The following FHIT variants were observed in gnomAD, a reference collection of about 807,000 sequenced individuals.
The protein encoded by FHIT is bis(5'-adenosyl)-triphosphatase.
A neutral mutation model predicts 17.9 loss-of-function variants in FHIT; 19 were observed. The observed-to-expected ratio is 1.06, with a 90% confidence interval of 0.74 to 1.56. FHIT has a LOEUF of 1.56. Ranked by LOEUF, FHIT falls within the 40% of genes most tolerant of loss-of-function variation. FHIT has a pLI of 0.00. For synonymous variants in FHIT, 81 were observed against 69.7 expected (o/e 1.16, Z -0.81); for missense variants, 248 against 189.2 (o/e 1.31, Z -1.82).
intron 4 of FHIT, among the ~76,000 whole-genome samples, chr3:60,802,651 AT>A (rs548637921): frequency 8.5e-4 from 129 of 152,258 alleles, no homozygotes; most frequent in African/African-American, 2.9e-3. Flanking sequence ...AAAGAAACAA[AT>A]TCCTGCCCTG....
intron 4 of FHIT, among the ~76,000 whole-genome samples, chr3:60,569,834 C>A (rs1381904158): frequency 2.0e-5 from 3 of 146,368 alleles, no homozygotes; most frequent in African/African-American, 7.6e-5. Context: ...TCACTGCAAC[C>A]TTCGCCTCAC....
At chr3:60,810,407 G>A (rs554749161) in intron 4 of FHIT, among the ~76,000 whole-genome samples, 19 of 152,182 alleles carry the variant, frequency 1.2e-4, no homozygotes, top group East Asian at 3.9e-4. Context: ...CCATAGGAGC[G>A]ACACTACACA....
chr3:60,039,778 T>C (rs1206574063), intron 5 of FHIT, among the ~76,000 whole-genome samples: 1 of 152,204 alleles, frequency 6.6e-6, no homozygotes, highest in Non-Finnish European at 1.5e-5. Context: ...ATGGAAGATC[T>C]TAGAACCAAA....
chr3:60,219,333 C>T (rs1260818243), intron 5 of FHIT, among the ~76,000 whole-genome samples: 1 of 152,060 alleles, frequency 6.6e-6, no homozygotes, highest in African/African-American at 2.4e-5. Flanking sequence ...TAGCCCTATA[C>T]TTTGTTCAAT....
At chr3:60,423,673 A>G (rs1702558207) in intron 5 of FHIT, among the ~76,000 whole-genome samples, 1 of 152,104 alleles carries the variant, frequency 6.6e-6, no homozygotes, top group Non-Finnish European at 1.5e-5. Context: ...ATGGCGCAAT[A>G]ATATTCAAAA....
chr3:61,202,550 T>C (rs2039060009), intron 1 of FHIT, among the ~76,000 whole-genome samples: 1 of 151,458 alleles, frequency 6.6e-6, no homozygotes, highest in South Asian at 2.1e-4. Flanking sequence ...TATAAAAATA[T>C]ATGGATGTAG....
intron 1 of FHIT, among the ~76,000 whole-genome samples, chr3:61,212,051 A>C (rs1046440068): frequency 1.3e-4 from 20 of 152,196 alleles, no homozygotes; most frequent in Non-Finnish European, 2.8e-4. Flanking sequence ...CAAAGATGGG[A>C]AAAAACAGAG....
chr3:60,571,369 ATGAATGACGTATTACCAACACTGAGATC>A (rs2037378316), intron 4 of FHIT, among the ~76,000 whole-genome samples: 25 of 119,870 alleles, frequency 2.1e-4, no homozygotes, highest in African/African-American at 3.8e-4. Context: ...AAAAAGAACA[ATGAATGACGTATTACCAACACTGAGATC>A]AAGAAAAAAA....
At chr3:60,867,728 C>T (rs1553754153) in intron 3 of FHIT, among the ~76,000 whole-genome samples, 1 of 152,084 alleles carries the variant, frequency 6.6e-6, no homozygotes, top group African/African-American at 2.4e-5. Flanking sequence ...TCTTTCTCCC[C>T]CAAAAGTTCA....
chr3:60,015,991 T>C (rs974793501), intron 5 of FHIT, among the ~76,000 whole-genome samples: 1 of 152,234 alleles, frequency 6.6e-6, no homozygotes, highest in African/African-American at 2.4e-5. Flanking sequence ...ACTTTTTATA[T>C]GCCAATTGTT....
At chr3:59,812,643 C>A (rs1192142349) in intron 8 of FHIT, among the ~76,000 whole-genome samples, 1 of 152,180 alleles carries the variant, frequency 6.6e-6, no homozygotes, top group African/African-American at 2.4e-5. Context: ...GTGGAGACGT[C>A]CTTCCTATGG....
At chr3:60,884,162 G>C (rs1161102539) in intron 3 of FHIT, among the ~76,000 whole-genome samples, 3 of 152,110 alleles carry the variant, frequency 2.0e-5, no homozygotes, top group African/African-American at 7.2e-5. Flanking sequence ...ACCACAGTGA[G>C]ATACCATCTC....
At chr3:61,172,544 A>G (rs2038036433) in intron 2 of FHIT, among the ~76,000 whole-genome samples, 1 of 152,254 alleles carries the variant, frequency 6.6e-6, no homozygotes, top group Non-Finnish European at 1.5e-5. Flanking sequence ...GAATTATGTG[A>G]TAGTATTATC....
chr3:60,675,224 T>C (rs374765779), intron 4 of FHIT, among the ~76,000 whole-genome samples: 6 of 152,342 alleles, frequency 3.9e-5, no homozygotes, highest in East Asian at 3.9e-4. Flanking sequence ...AGTTACTTCA[T>C]TGTGGCTTGA....
intron 5 of FHIT, among the ~76,000 whole-genome samples, chr3:60,531,320 C>T (rs2035773386): frequency 6.8e-6 from 1 of 147,618 alleles, no homozygotes; most frequent in Non-Finnish European, 1.5e-5. Context: ...GCTCTGTCGC[C>T]CAGGCTGGAG....
chr3:60,249,799 G>C (rs563576489), intron 5 of FHIT, among the ~76,000 whole-genome samples: 1 of 151,732 alleles, frequency 6.6e-6, no homozygotes, highest in South Asian at 2.1e-4. Context: ...CCTAAGACTG[G>C]GCAATTTATA....
intron 5 of FHIT, among the ~76,000 whole-genome samples, chr3:60,155,672 C>G (rs1700656664): frequency 6.6e-6 from 1 of 152,206 alleles, no homozygotes; most frequent in African/African-American, 2.4e-5. Flanking sequence ...GCTCCTGAAT[C>G]CAGCAGTCTC....
intron 2 of FHIT, among the ~76,000 whole-genome samples, chr3:61,093,045 G>C (rs1164371693): frequency 6.6e-6 from 1 of 152,160 alleles, no homozygotes; most frequent in African/African-American, 2.4e-5. Context: ...ACAAATCCCA[G>C]TGTGGTCCAC....
intron 5 of FHIT, among the ~76,000 whole-genome samples, chr3:60,324,347 G>A (rs1172693646): frequency 1.1e-5 from 1 of 92,688 alleles, no homozygotes; most frequent in Non-Finnish European, 2.5e-5. Flanking sequence ...GAACTTTGGA[G>A]GCTGAGGCTG....
Sources: allele counts gnomAD v4.1 joint callset (sites outside exome capture counted in the v4.1 genomes callset), GRCh38; gene constraint gnomAD v4.1.1; transcripts MANE v1.5; gene names NCBI Gene and HGNC (gene_info 2026-07-23, HGNC 2026-07-21).